The following SDHB variants were observed in gnomAD, a reference collection of about 807,000 sequenced individuals.
SDHB encodes succinate dehydrogenase [ubiquinone] iron-sulfur subunit, mitochondrial.
In SDHB, 21 loss-of-function variants were observed where a neutral mutation model predicts 39.7. The ratio of observed to expected loss-of-function variants is 0.53; its 90% CI spans 0.37 to 0.76. The LOEUF is 0.76. Ranked by LOEUF, SDHB falls within the 30% of genes least tolerant of loss-of-function variation. The pLI, the probability that SDHB is intolerant of heterozygous loss-of-function variation, is 0.00. For synonymous variants in SDHB, 118 were observed against 117.0 expected (o/e 1.01, Z -0.06); for missense variants, 343 against 350.9 (o/e 0.98, Z 0.18).
intron 2 of SDHB, among the ~76,000 whole-genome samples, chr1:17,041,983 G>A (rs1164018274): frequency 6.6e-6 from 1 of 151,716 alleles, no homozygotes; most frequent in Non-Finnish European, 1.5e-5. Flanking sequence ...GTGCAGTGGT[G>A]TGATCTTGGC....
chr1:17,047,468 GGGATT>G (rs1347340863), intron 1 of SDHB, among the ~76,000 whole-genome samples: 1 of 151,910 alleles, frequency 6.6e-6, no homozygotes, highest in Non-Finnish European at 1.5e-5. Context: ...CCTGAGATCA[GGGATT>G]CAAGACCAGC....
At chr1:17,022,356 A>T (rs1005417340) in intron 7 of SDHB, among the ~76,000 whole-genome samples, 1 of 152,142 alleles carries the variant, frequency 6.6e-6, no homozygotes, top group Non-Finnish European at 1.5e-5. Flanking sequence ...GTTCCTGTGC[A>T]TCCTTAACTC....
In SDHB at chr1:17,022,224, C is replaced by G. The variant is rs533369422; in HGVS notation, c.765+384G>C. ...AAGAACAGGCTGCTAGAGAGCAGAG[C>G]AGATTAGCAGCTGACATCGCGAGAA... On this transcript the variant is annotated intron_variant, in intron 7 of 7. Coordinates refer to ENST00000375499, the MANE Select transcript of SDHB (RefSeq NM_003000.3). Among the ~76,000 whole-genome samples, 3 of 152,326 alleles carry G rather than the reference C, an allele frequency of 2.0e-5. No homozygotes were observed. The South Asian group carries it at 6.2e-4, about 32-fold the overall frequency.
intron 1 of SDHB, among the ~76,000 whole-genome samples, chr1:17,046,147 T>C (rs1307443141): frequency 6.6e-6 from 1 of 152,190 alleles, no homozygotes; most frequent in Admixed American, 6.5e-5. Context: ...AAATGAAAGT[T>C]AAGATGAAAG....
rs1570945031 is a variant in SDHB, at chr1:17,022,793, A to C, written c.643-63T>G. ...ACAGGCCAGAGCGGCACCCTGGCTC[A>C]ACTCAAAGCTCTGGGAGTGCAGAGG... is the stretch of plus-strand genomic sequence containing the variant. On this transcript the variant is annotated intron_variant, in intron 6 of 7. Transcript: ENST00000375499. 19 of 1,576,226 alleles carry C rather than the reference A, an allele frequency of 1.2e-5. No individual in the cohort carries two copies. The South Asian group carries it at 2.2e-4, about 18-fold the overall frequency.
chr1:17,041,347 T>C (rs2078078808), intron 2 of SDHB, among the ~76,000 whole-genome samples: 1 of 152,152 alleles, frequency 6.6e-6, no homozygotes, highest in Non-Finnish European at 1.5e-5. Flanking sequence ...ATGAGCATAA[T>C]TTCCTTTATC....
At chr1:17,049,844 A>C (rs1448821893) in intron 1 of SDHB, among the ~76,000 whole-genome samples, 4 of 148,306 alleles carry the variant, frequency 2.7e-5, no homozygotes, top group African/African-American at 1.0e-4. Context: ...ATGGGGTTTC[A>C]CCGTTTTAGC....
At chr1:17,027,928 A>G in intron 4 of SDHB, 63 bp from the exon 5 acceptor site, 1 of 991,568 alleles carries the variant, frequency 1.0e-6, no homozygotes, top group South Asian at 1.3e-5. Flanking sequence ...TCATCACCTC[A>G]GCTTTATTTA....
chr1:17,037,503 C>A (rs1163171624), intron 2 of SDHB, among the ~76,000 whole-genome samples: 1 of 151,806 alleles, frequency 6.6e-6, no homozygotes, highest in Non-Finnish European at 1.5e-5. Context: ...GTTGCCCAGG[C>A]TGGAGTGCAG....
intron 2 of SDHB, among the ~76,000 whole-genome samples, chr1:17,037,453 C>T (rs539928340): frequency 6.6e-6 from 1 of 151,532 alleles, no homozygotes; most frequent in East Asian, 1.9e-4. Flanking sequence ...AGGAGTGTGC[C>T]ACCACACCTG....
At chr1:17,035,745 A>G (rs1220121093) in intron 2 of SDHB, among the ~76,000 whole-genome samples, 1 of 152,012 alleles carries the variant, frequency 6.6e-6, no homozygotes, top group Non-Finnish European at 1.5e-5. Flanking sequence ...CTGTAGTCCC[A>G]ATTACTTGGG....
At chr1:17,051,082 T>C (rs1027567811) in intron 1 of SDHB, among the ~76,000 whole-genome samples, 6 of 152,152 alleles carry the variant, frequency 3.9e-5, no homozygotes, top group African/African-American at 1.4e-4. Context: ...AACGCAACAG[T>C]GCAAAAAGAT....
At chr1:17,035,588 C>G (rs923055165) in intron 2 of SDHB, among the ~76,000 whole-genome samples, 1 of 152,092 alleles carries the variant, frequency 6.6e-6, no homozygotes, top group Non-Finnish European at 1.5e-5. Context: ...GGGTGGCTCA[C>G]GCCTGTAATC....
intron 1 of SDHB, among the ~76,000 whole-genome samples, chr1:17,052,014 T>A (rs1210343330): frequency 1.3e-5 from 2 of 151,148 alleles, no homozygotes; most frequent in East Asian, 3.9e-4. Flanking sequence ...GCTAATTTTT[T>A]TTTTATTTTT....
In SDHB at chr1:17,028,670, T is replaced by G; in HGVS notation, c.353A>C (p.Asp118Ala). Residue 118 changes from aspartate (D) to alanine (A), a missense_variant, in exon 4 of 8, where the codon GAC becomes GCC. Asp to Ala is a moderately radical substitution (Grantham distance 126). Coordinates refer to ENST00000375499, the MANE Select transcript of SDHB (RefSeq NM_003000.3). ...GNTLACTRRI[D>A]TNLNKVSKIY... ...TTTTGAGACCTTATTGAGGTTGGTGTCAATCCTTCGGGTGCAAGCTAGAGT... is the reference window on the plus strand; with the variant it reads ...TTTTGAGACCTTATTGAGGTTGGTGGCAATCCTTCGGGTGCAAGCTAGAGT... 1.2e-6 allele frequency: 2 copies of G among 1,614,156 alleles called. No individual in the cohort carries two copies. The highest frequency in any genetic ancestry group is 1.7e-6 in the Non-Finnish European group (2 of 1,180,006).
At chr1:17,032,671 G>T in intron 3 of SDHB, 1 of 320,182 alleles carries the variant, frequency 3.1e-6, no homozygotes, top group Non-Finnish European at 6.1e-6. Flanking sequence ...TGGGAGCTGA[G>T]GGAGACTCAC....
intron 2 of SDHB, 122 bp from the exon 3 acceptor site, chr1:17,033,267 C>G: frequency 5.0e-6 from 4 of 796,086 alleles, no homozygotes; most frequent in Non-Finnish European, 6.5e-6. Context: ...AGGTCACCTT[C>G]GGAATTTGTT....
At chr1:17,021,866 C>T (rs778825837) in intron 7 of SDHB, among the ~76,000 whole-genome samples, 73 of 152,152 alleles carry the variant, frequency 4.8e-4, no homozygotes, top group African/African-American at 3.4e-4. Flanking sequence ...TAGAGCTGTG[C>T]GTCAAATAAA....
intron 2 of SDHB, among the ~76,000 whole-genome samples, chr1:17,038,038 C>T (rs2078059735): frequency 6.6e-6 from 1 of 152,154 alleles, no homozygotes; most frequent in Non-Finnish European, 1.5e-5. Flanking sequence ...ACTTGGGAAG[C>T]TGAGACAGGA....
Sources: allele counts gnomAD v4.1 joint callset (sites outside exome capture counted in the v4.1 genomes callset), GRCh38; gene constraint gnomAD v4.1.1; transcripts MANE v1.5; gene names NCBI Gene and HGNC (gene_info 2026-07-23, HGNC 2026-07-21).